Variants in SLC5A4 observed in about 807,000 individuals in gnomAD.
SLC5A4 encodes solute carrier family 5 member 4.
Under a neutral mutation model 70.3 loss-of-function variants are expected in SLC5A4, and 55 were observed. The observed-to-expected ratio is 0.78, with a 90% CI of 0.63 to 0.98. The LOEUF (loss-of-function observed/expected upper bound fraction) is 0.98. Among genes scored for constraint, SLC5A4 ranks in the 50% least tolerant of loss-of-function variants. The pLI, the probability that SLC5A4 is intolerant of heterozygous loss-of-function variation, is 0.00. For missense variants in SLC5A4, 735 were observed against 839.2 expected (o/e 0.88, Z 1.53); for synonymous variants, 268 against 305.7 (o/e 0.88, Z 1.29).
At chr22:32,272,358 C>T in the SLC5A4 span, 1 of 867,482 alleles carries the variant, frequency 1.2e-6, no homozygotes, top group Non-Finnish European at 1.9e-6. Context: ...CGGCCATCAG[C>T]CAGAAGATTT....
chr22:32,283,129 T>C, the SLC5A4 span, among the ~76,000 whole-genome samples: 1 of 152,228 alleles, frequency 6.6e-6, no homozygotes, highest in African/African-American at 2.4e-5. Flanking sequence ...CCCCTCCTAT[T>C]GCTCCTTCTG....
At position 32,218,512 on chromosome 22, in the gene SLC5A4, G is replaced by A; in HGVS notation, c.*2C>T. The stretch of plus-strand genomic sequence containing the variant: ...TCATTATTCTAATGGCTCAGATAGA[G>A]TTCAGGCATAGTAGCCGTGAATAAA... On this transcript the variant is annotated 3_prime_UTR_variant, in exon 15 of 15. Coordinates refer to ENST00000266086, the MANE Select transcript of SLC5A4 (RefSeq NM_014227.3). 1 of 1,560,314 alleles carries A rather than the reference G, an allele frequency of 6.4e-7. No individual in the cohort carries two copies. The highest frequency in any genetic ancestry group is 8.7e-7 in the Non-Finnish European group (1 of 1,143,198).
the SLC5A4 span, among the ~76,000 whole-genome samples, chr22:32,261,380 C>T: frequency 2.0e-5 from 3 of 152,198 alleles, no homozygotes; most frequent in Non-Finnish European, 4.4e-5. Flanking sequence ...CTCTGCAGCC[C>T]CTAGAGCAAT....
the SLC5A4 span, among the ~76,000 whole-genome samples, chr22:32,281,789 A>G: frequency 6.7e-6 from 1 of 148,608 alleles, no homozygotes; most frequent in Non-Finnish European, 1.5e-5. Flanking sequence ...CTGTACCCTG[A>G]TTGTTCCTCC....
chr22:32,265,729 T>G, the SLC5A4 span, among the ~76,000 whole-genome samples: 18 of 151,786 alleles, frequency 1.2e-4, no homozygotes, highest in Non-Finnish European at 2.2e-4. Flanking sequence ...AATTCCAGCT[T>G]TGCGGGAGGG....
the SLC5A4 span, among the ~76,000 whole-genome samples, chr22:32,278,292 G>A: frequency 6.6e-6 from 1 of 152,172 alleles, no homozygotes. Context: ...TCAAGATTCT[G>A]TATTTGGGCC....
chr22:32,351,469 T>C, the SLC5A4 span, among the ~76,000 whole-genome samples: 2 of 151,700 alleles, frequency 1.3e-5, no homozygotes, highest in Non-Finnish European at 2.9e-5. Context: ...TCTGAGAGGC[T>C]GAGATGGGAA....
the SLC5A4 span, among the ~76,000 whole-genome samples, chr22:32,319,625 G>A: frequency 3.9e-4 from 60 of 152,230 alleles, no homozygotes; most frequent in South Asian, 0.012. Context: ...CTGTTCCTCT[G>A]GAGCACACTG....
rs1442941768 is a variant in SLC5A4 at position 32,247,399 on chromosome 22, C to T, written c.477+12G>A. On this transcript the variant is annotated intron_variant, in intron 5 of 14. Transcript: ENST00000266086. Reference sequence around the variant, plus strand: ...CTCTTGAAGCTAAAATGCCAGGAGGCTCTGAACTCACAGAAATTAACAAAA... The same window carrying T: ...CTCTTGAAGCTAAAATGCCAGGAGGTTCTGAACTCACAGAAATTAACAAAA... 1 of 1,559,596 alleles carries T rather than the reference C, an allele frequency of 6.4e-7. No individual in the cohort carries two copies. The highest frequency in any genetic ancestry group is 8.8e-7 in the Non-Finnish European group (1 of 1,130,384).
chr22:32,275,258 T>C, the SLC5A4 span, among the ~76,000 whole-genome samples: 2 of 152,232 alleles, frequency 1.3e-5, no homozygotes, highest in African/African-American at 2.4e-5. Flanking sequence ...AGTTTTAGGG[T>C]ACATGTGCAC....
chr22:32,222,552 A>T (rs532664162), intron 13 of SLC5A4, among the ~76,000 whole-genome samples: 2 of 152,314 alleles, frequency 1.3e-5, no homozygotes, highest in African/African-American at 4.8e-5. Flanking sequence ...TTAGTAATAA[A>T]ATTGGTTACT....
At chr22:32,242,923 A>T (rs1926620269) in intron 5 of SLC5A4, among the ~76,000 whole-genome samples, 1 of 152,208 alleles carries the variant, frequency 6.6e-6, no homozygotes, top group South Asian at 2.1e-4. Flanking sequence ...TGGATCTGAT[A>T]AGAACCATTT....
the SLC5A4 span, among the ~76,000 whole-genome samples, chr22:32,354,335 C>A: frequency 6.6e-6 from 1 of 151,590 alleles, no homozygotes; most frequent in Non-Finnish European, 1.5e-5. Context: ...ATGAGCCTAA[C>A]CCGTCCCCCA....
the SLC5A4 span, among the ~76,000 whole-genome samples, chr22:32,325,780 G>A: frequency 1.3e-5 from 2 of 152,374 alleles, no homozygotes; most frequent in East Asian, 3.9e-4. Flanking sequence ...TGCTGATGAG[G>A]CAACTGAAGC....
the SLC5A4 span, among the ~76,000 whole-genome samples, chr22:32,351,763 C>A: frequency 5.5e-4 from 4 of 7,286 alleles, no homozygotes; most frequent in African/African-American, 1.7e-3. Context: ...GGGGGGTGGG[C>A]GGGTGGAATA....
intron 5 of SLC5A4, among the ~76,000 whole-genome samples, chr22:32,246,051 G>A (rs1603234120): frequency 6.6e-6 from 1 of 152,218 alleles, no homozygotes; most frequent in Non-Finnish European, 1.5e-5. Flanking sequence ...TTCTCCGGGT[G>A]TGCACGGCAC....
chr22:32,247,366 T>C, intron 5 of SLC5A4, 45 bp downstream of exon 5: 1 of 1,224,572 alleles, frequency 8.2e-7, no homozygotes, highest in African/African-American at 1.5e-5. Flanking sequence ...TGGCCCCATC[T>C]GACCAACCTC....
chr22:32,335,668 C>T, the SLC5A4 span, among the ~76,000 whole-genome samples: 5 of 152,178 alleles, frequency 3.3e-5, no homozygotes, highest in East Asian at 3.9e-4. Flanking sequence ...CCAGCCCAGG[C>T]GGCCCCAGAG....
At chr22:32,315,099 T>C in the SLC5A4 span, among the ~76,000 whole-genome samples, 1 of 152,206 alleles carries the variant, frequency 6.6e-6, no homozygotes, top group Admixed American at 6.5e-5. Context: ...GTTATGTGCA[T>C]TCTACCACAA....
Sources: allele counts gnomAD v4.1 joint callset (sites outside exome capture counted in the v4.1 genomes callset), GRCh38; gene constraint gnomAD v4.1.1; transcripts MANE v1.5; gene names NCBI Gene and HGNC (gene_info 2026-07-23, HGNC 2026-07-21).